MAP4K5: variants seen among roughly 807,000 people sequenced by gnomAD.
MAP4K5 encodes the protein mitogen-activated protein kinase kinase kinase kinase 5, also known as MAPK/ERK kinase kinase kinase 5.
MAP4K5 carries 82 observed loss-of-function variants against 135.6 expected under a neutral mutation model. The observed-to-expected ratio is 0.60, with a 90% CI of 0.51 to 0.73. MAP4K5 has a LOEUF of 0.73. Among genes scored for constraint, MAP4K5 ranks in the 30% least tolerant of loss-of-function variants. MAP4K5 has a pLI of 0.00. For synonymous variants in MAP4K5, 347 were observed against 335.0 expected, an observed-to-expected ratio of 1.04 and a Z score of -0.39; for missense variants, 907 against 1,010.9, an observed-to-expected ratio of 0.90 and a Z score of 1.39.
chr14:50,443,703 A>G (rs765553043), intron 20 of MAP4K5, 26 bp downstream of exon 20: 18 of 1,569,118 alleles, frequency 1.1e-5, no homozygotes, highest in Middle Eastern at 1.7e-4. Flanking sequence ...AAAACGGCAA[A>G]TAGTTCACAT....
chr14:50,544,404 T>A (rs1386619473), intron 1 of MAP4K5, among the ~76,000 whole-genome samples: 3 of 152,222 alleles, frequency 2.0e-5, no homozygotes, highest in Admixed American at 1.3e-4. Context: ...AGGGAATAAA[T>A]CTTGATTGGT....
chr14:50,506,683 C>T (rs2037816699), intron 2 of MAP4K5, among the ~76,000 whole-genome samples: 1 of 152,182 alleles, frequency 6.6e-6, no homozygotes, highest in South Asian at 2.1e-4. Context: ...GCAGAAGTTG[C>T]AACTACTTTG....
At chr14:50,440,477 T>A in intron 21 of MAP4K5, 36 bp from the exon 22 acceptor site, 1 of 1,099,310 alleles carries the variant, frequency 9.1e-7, no homozygotes, top group Non-Finnish European at 1.3e-6. Context: ...GAATTTACCA[T>A]CATCTTCTGA....
chr14:50,550,608 T>C (rs1047143072), intron 1 of MAP4K5, among the ~76,000 whole-genome samples: 1 of 152,188 alleles, frequency 6.6e-6, no homozygotes, highest in African/African-American at 2.4e-5. Flanking sequence ...GAAGGCCTGA[T>C]TGCCAGTGCA....
intron 11 of MAP4K5, 56 bp from the exon 12 acceptor site, chr14:50,464,189 A>G: frequency 1.2e-6 from 1 of 841,106 alleles, no homozygotes. Context: ...TTTCGGTGTT[A>G]GTAAATAACA....
At chr14:50,489,922 G>A (rs927164175) in intron 3 of MAP4K5, among the ~76,000 whole-genome samples, 3 of 152,132 alleles carry the variant, frequency 2.0e-5, no homozygotes, top group Non-Finnish European at 4.4e-5. Context: ...CCTTACACAG[G>A]AAAGGGAGAA....
intron 20 of MAP4K5, 114 bp downstream of exon 20, chr14:50,443,614 CT>C: frequency 1.2e-6 from 1 of 826,176 alleles, no homozygotes; most frequent in South Asian, 2.5e-5. Flanking sequence ...CATTCAATAT[CT>C]TTGTATTTTA....
At chr14:50,436,214 GTTGT>G (rs2036088810) in intron 26 of MAP4K5, among the ~76,000 whole-genome samples, 1 of 152,144 alleles carries the variant, frequency 6.6e-6, no homozygotes, top group Non-Finnish European at 1.5e-5. Context: ...GTATTATGGA[GTTGT>G]TTAAGGGTTA....
rs59377868 is a variant in MAP4K5, at chr14:50,470,653, TACACACACACACACACACACAC to T, written c.543-1893_543-1872del. On this transcript the variant is annotated intron_variant, in intron 9 of 32. Transcript: ENST00000682126. Reference sequence around the variant, plus strand: ...TGTTTCACATATTTTCATCCATTTTTACACACACACACACACACACACACACACACACACACCTTTTATAAAA... The same window carrying T: ...TGTTTCACATATTTTCATCCATTTTTACACACACACACACCTTTTATAAAA... Among the ~76,000 whole-genome samples the T allele has an allele frequency of 2.0e-5, 3 of 149,216 alleles. No individual in the cohort carries two copies. In the South Asian group the frequency reaches 6.4e-4, roughly 32 times the overall value.
chr14:50,544,990 T>A (rs944334848), intron 1 of MAP4K5, among the ~76,000 whole-genome samples: 6 of 138,406 alleles, frequency 4.3e-5, no homozygotes, highest in South Asian at 5.3e-4. Flanking sequence ...AACAGGTCCC[T>A]CACCAGATTA....
intron 28 of MAP4K5, among the ~76,000 whole-genome samples, chr14:50,431,718 T>G (rs997182335): frequency 6.6e-6 from 1 of 151,750 alleles, no homozygotes; most frequent in African/African-American, 2.4e-5. Context: ...AACATACATG[T>G]GCATGTGTCT....
In MAP4K5 at chr14:50,440,274, T is replaced by C. The variant is rs1197751112; in HGVS notation, c.1644+88A>G. On this transcript the variant is annotated intron_variant, in intron 22 of 32. Coordinates refer to ENST00000682126, the MANE Select transcript of MAP4K5 (RefSeq NM_006575.6). Reference sequence around the variant, plus strand: ...AATATTTAAATCATAAAAATTAAAATTGGGGCCTACACAGATTGATTTAAA... The same window carrying C: ...AATATTTAAATCATAAAAATTAAAACTGGGGCCTACACAGATTGATTTAAA... The C allele has an allele frequency of 3.0e-5, 26 of 858,122 alleles. No homozygotes were observed. The East Asian group carries it at 7.0e-4, about 23-fold the overall frequency. 53.2% of individuals were successfully genotyped at this position (858,122 alleles called of 1,614,324 possible).
intron 26 of MAP4K5, 31 bp from the exon 27 acceptor site, chr14:50,435,096 G>T: frequency 8.3e-7 from 1 of 1,198,760 alleles, no homozygotes; most frequent in South Asian, 1.3e-5. Context: ...AAAAAACCCA[G>T]ACACACTCAA....
intron 22 of MAP4K5, 137 bp from the exon 23 acceptor site, chr14:50,440,210 T>G: frequency 1.2e-6 from 1 of 800,284 alleles, no homozygotes; most frequent in Non-Finnish European, 1.9e-6. Context: ...AAAAAATCTT[T>G]CAACATGAAC....
At chr14:50,441,419 G>A (rs1337643504) in intron 21 of MAP4K5, among the ~76,000 whole-genome samples, 2 of 152,038 alleles carry the variant, frequency 1.3e-5, no homozygotes, top group Non-Finnish European at 2.9e-5. Flanking sequence ...TAACATTTCT[G>A]TGTTATTCCC....
At chr14:50,532,594 A>C (rs902822609), upstream of MAP4K5, 3 of 150,490 alleles carry the variant, frequency 2.0e-5, no homozygotes, top group Non-Finnish European at 2.9e-5. Flanking sequence ...CCGCCGCCGC[A>C]CCACGTTCCC....
At chr14:50,492,733 A>AACTATCAG (rs1343815058) in intron 3 of MAP4K5, among the ~76,000 whole-genome samples, 5 of 152,324 alleles carry the variant, frequency 3.3e-5, no homozygotes, top group Non-Finnish European at 5.9e-5. Flanking sequence ...ATGTAAAGAA[A>AACTATCAG]ACTATCAGAC....
At position 50,559,919 on chromosome 14, in the gene MAP4K5, G is replaced by T. The variant is rs766002125; in HGVS notation, c.-180+1121C>A. The T allele has an allele frequency of 5.9e-5, 22 of 372,406 alleles. No individual in the cohort carries two copies. The East Asian group carries it at 9.6e-4, about 16-fold the overall frequency. 23.1% of individuals were successfully genotyped at this position (372,406 alleles called of 1,614,324 possible). On this transcript the variant is annotated intron_variant, in intron 1 of 8. Coordinates refer to the MAP4K5 transcript ENST00000555216. The stretch of plus-strand genomic sequence containing the variant: ...TTCTGATAACGCTGTTAAATTCTTT[G>T]AGAGTGTGTTCGAGGGGGGTGCTGT...
chr14:50,505,515 G>C (rs533130070), intron 2 of MAP4K5, among the ~76,000 whole-genome samples: 1 of 152,088 alleles, frequency 6.6e-6, no homozygotes, highest in African/African-American at 2.4e-5. Context: ...TAAATGTCTA[G>C]AAGAGAAACT....
Sources: gnomAD v4.1 joint callset for allele counts (sites outside exome capture counted in the v4.1 genomes callset) on GRCh38, gnomAD v4.1.1 for gene constraint, MANE v1.5 for transcripts, NCBI Gene and HGNC (gene_info 2026-07-23, HGNC 2026-07-21) for gene names.